MAVS: variants seen among roughly 807,000 people sequenced by gnomAD.
MAVS encodes mitochondrial antiviral-signaling protein.
MAVS carries 20 observed loss-of-function variants against 30.2 expected under a neutral mutation model. The observed-to-expected ratio is 0.66, with a 90% CI of 0.47 to 0.96. The LOEUF (loss-of-function observed/expected upper bound fraction) is 0.96, where lower values mean the gene tolerates loss of function less well. Among genes scored for constraint, MAVS ranks in the 40% least tolerant of loss-of-function variants. MAVS has a pLI of 0.00. For synonymous variants in MAVS, 278 were observed against 293.9 expected (o/e 0.95, Z 0.55); for missense variants, 624 against 701.1 (o/e 0.89, Z 1.24).
At chr20:3,862,738 G>A (rs2089876374) in intron 5 of MAVS, among the ~76,000 whole-genome samples, 1 of 152,098 alleles carries the variant, frequency 6.6e-6, no homozygotes, top group Admixed American at 6.6e-5. Context: ...GTACTCACCG[G>A]TATATACATA....
At chr20:3,861,149 T>C (rs900118788) in intron 3 of MAVS, among the ~76,000 whole-genome samples, 183 bp from the exon 4 acceptor site, 12 of 151,980 alleles carry the variant, frequency 7.9e-5, no homozygotes, top group Non-Finnish European at 1.5e-4. Context: ...CCCGCCACCA[T>C]GCCCGGCTAA....
chr20:3,850,154 G>A (rs1338136767), intron 1 of MAVS, among the ~76,000 whole-genome samples: 4 of 151,190 alleles, frequency 2.6e-5, no homozygotes, highest in African/African-American at 7.3e-5. Context: ...GCAGGCGCCT[G>A]TAGTCCCAGC....
intron 1 of MAVS, among the ~76,000 whole-genome samples, chr20:3,854,140 C>T (rs1600444718): frequency 6.6e-6 from 1 of 151,712 alleles, no homozygotes; most frequent in Non-Finnish European, 1.5e-5. Context: ...AAAACAAAAA[C>T]GGCCAGGTGT....
At position 3,872,156 on chromosome 20, in the gene MAVS, T is replaced by C. The variant is rs2089960588; in HGVS notation, c.*6009T>C. The C allele has an allele frequency of 6.6e-6, 1 of 152,318 alleles. No individual in the cohort carries two copies. The highest frequency in any genetic ancestry group is 1.5e-5 in the Non-Finnish European group (1 of 68,052). 9.4% of individuals were successfully genotyped at this position (152,318 alleles called of 1,614,324 possible). A position where few individuals can be genotyped will look rare whatever the true frequency, so the allele number is the denominator to read the frequency against. ...TAGGGACCCCACTTAAAGTGAGATT[T>C]TGGCTGGAGGTGGTGGATCATACCT... is the stretch of plus-strand genomic sequence containing the variant. On this transcript the variant is annotated 3_prime_UTR_variant, in exon 7 of 7. Coordinates refer to ENST00000428216, the MANE Select transcript of MAVS (RefSeq NM_020746.5).
intron 3 of MAVS, among the ~76,000 whole-genome samples, chr20:3,858,536 G>A (rs918924872): frequency 1.5e-4 from 22 of 151,484 alleles, no homozygotes; most frequent in Admixed American, 5.9e-4. Flanking sequence ...AAAATTAGCC[G>A]GGCATGTTGT....
At chr20:3,850,840 T>C (rs893160290) in intron 1 of MAVS, among the ~76,000 whole-genome samples, 6 of 147,458 alleles carry the variant, frequency 4.1e-5, no homozygotes, top group Admixed American at 2.1e-4. Context: ...GAGCCGAGAT[T>C]GCACCACAGC....
intron 1 of MAVS, among the ~76,000 whole-genome samples, chr20:3,854,054 T>G (rs559639792): frequency 6.8e-6 from 1 of 147,462 alleles, no homozygotes; most frequent in South Asian, 2.2e-4. Context: ...CAAATTGGCC[T>G]CCCAAAGTGC....
In MAVS at chr20:3,876,006, T is replaced by C. The variant is rs2089988702; in HGVS notation, c.*9859T>C. 1.3e-5 allele frequency: 2 copies of C among 152,350 alleles called. No individual in the cohort carries two copies. The highest frequency in any genetic ancestry group is 2.9e-5 in the Non-Finnish European group (2 of 68,028). 9.4% of individuals were successfully genotyped at this position (152,350 alleles called of 1,614,324 possible). A position where few individuals can be genotyped will look rare whatever the true frequency, so the allele number is the denominator to read the frequency against. ...ATTGGAGAAGAGATAAACTGGTAAT[T>C]GGTGAAAGAATTACTTTAATTTTTT... On this transcript the variant is annotated 3_prime_UTR_variant, in exon 7 of 7. Transcript: ENST00000428216.
At chr20:3,859,349 T>C (rs2089842802) in intron 3 of MAVS, among the ~76,000 whole-genome samples, 1 of 151,326 alleles carries the variant, frequency 6.6e-6, no homozygotes, top group Non-Finnish European at 1.5e-5. Context: ...GTACCAAAAA[T>C]ACAAAAAAAT....
In MAVS at chr20:3,873,880, C is replaced by G. The variant is rs542735491; in HGVS notation, c.*7733C>G. ...CAGTATCTACCAAAAGCCGAACATA[C>G]GTATAAACTGATCCAGCAGTTCCAC... On this transcript the variant is annotated 3_prime_UTR_variant, in exon 7 of 7. Coordinates refer to ENST00000428216, the MANE Select transcript of MAVS (RefSeq NM_020746.5). The G allele has an allele frequency of 5.3e-6, 2 of 380,200 alleles. No individual in the cohort carries two copies. The highest frequency in any genetic ancestry group is 9.2e-6 in the Non-Finnish European group (2 of 216,246). The allele number at this position is 380,200 out of a possible 1,614,324, so 23.6% of individuals were successfully genotyped here. A position where few individuals can be genotyped will look rare whatever the true frequency, so the allele number is the denominator to read the frequency against.
chr20:3,850,885 CAAAA>C (rs35643330), intron 1 of MAVS, among the ~76,000 whole-genome samples: 3 of 93,456 alleles, frequency 3.2e-5, no homozygotes, highest in Non-Finnish European at 7.1e-5. Flanking sequence ...AACTCCGTCT[CAAAA>C]AAAAAAAAAA....
intron 1 of MAVS, 65 bp from the exon 2 acceptor site, chr20:3,854,493 C>G (rs1389998790): frequency 4.0e-6 from 2 of 499,482 alleles, no homozygotes; most frequent in Admixed American, 6.5e-5. Flanking sequence ...GAAAGAATTG[C>G]CTTTTGTCCA....
chr20:3,860,127 C>G (rs1351473811), intron 3 of MAVS, among the ~76,000 whole-genome samples: 1 of 151,930 alleles, frequency 6.6e-6, no homozygotes, highest in East Asian at 2.0e-4. Context: ...CTGCTTGTCA[C>G]TCTTGAGGAG....
chr20:3,864,923 G>A (rs1828760307), intron 6 of MAVS, 135 bp downstream of exon 6: 1 of 1,088,418 alleles, frequency 9.2e-7, no homozygotes, highest in African/African-American at 1.6e-5. Flanking sequence ...TCTCCTTGAG[G>A]GCATACAGAC....
At chr20:3,846,990 T>G (rs532162940) in intron 1 of MAVS, 87 bp downstream of exon 1, 1 of 152,190 alleles carries the variant, frequency 6.6e-6, no homozygotes, top group Non-Finnish European at 1.5e-5. Context: ...CAGGACGGAG[T>G]CCGCCGGGAC....
rs574178741 is a variant in MAVS, at chr20:3,871,034, C to G, written c.*4887C>G. 2 of 152,786 alleles carry G rather than the reference C, an allele frequency of 1.3e-5. No homozygotes were observed. The highest frequency in any genetic ancestry group is 6.5e-5 in the Admixed American group (1 of 15,280). The allele number at this position is 152,786 out of a possible 1,614,324, so 9.5% of individuals were successfully genotyped here. A position where few individuals can be genotyped will look rare whatever the true frequency, so the allele number is the denominator to read the frequency against. The stretch of plus-strand genomic sequence containing the variant: ...TAGCTGGGATTACAGATGCCCGCCA[C>G]CACACCTGGCTAATTTTCGTATTTT... On this transcript the variant is annotated 3_prime_UTR_variant, in exon 7 of 7. Transcript: ENST00000428216.
chr20:3,865,979 A>T lies in MAVS; in HGVS notation c.1455A>T (p.Pro485=). The T allele has an allele frequency of 6.2e-7, 1 of 1,613,216 alleles. No homozygotes were observed. Among genetic ancestry groups the T allele is most frequent in the South Asian group, 1.1e-5 (1 of 91,078 alleles). Residue 485 remains proline (P), a synonymous_variant, in exon 7 of 7, where the codon CCA becomes CCT. Transcript: ENST00000428216. This position sits in a 1 kb window ranked among gnomAD's most constrained non-coding sequence, Gnocchi z 4.7. ...SIQLLEGNPG[P]PADPDGGPRP... is the part of the protein sequence containing the mutation. ...AGCTCCTGGAGGGCAACCCTGGGCCACCTGCGGACCCGGATGGCGGCCCCA... is the reference window on the plus strand; with the variant it reads ...AGCTCCTGGAGGGCAACCCTGGGCCTCCTGCGGACCCGGATGGCGGCCCCA...
intron 3 of MAVS, among the ~76,000 whole-genome samples, chr20:3,859,527 A>C (rs763407936): frequency 1.3e-5 from 2 of 151,280 alleles, no homozygotes; most frequent in Non-Finnish European, 3.0e-5. Context: ...AAAACCCAAA[A>C]ATAGTGATCC....
Position 3,868,603 on chromosome 20 carries a change from C to G in MAVS, c.*2456C>G, listed in dbSNP as rs1376672696. 1.3e-5 allele frequency: 2 copies of G among 151,086 alleles called. No individual in the cohort carries two copies. The highest frequency in any genetic ancestry group is 6.6e-5 in the Admixed American group (1 of 15,106). 9.4% of individuals were successfully genotyped at this position (151,086 alleles called of 1,614,324 possible). A position where few individuals can be genotyped will look rare whatever the true frequency, so the allele number is the denominator to read the frequency against. On this transcript the variant is annotated 3_prime_UTR_variant, in exon 7 of 7. Coordinates refer to ENST00000428216, the MANE Select transcript of MAVS (RefSeq NM_020746.5). ...GAGCCGAGATTGTGCCACTGCGCTC[C>G]AGCCTGGGCGACAGAGTGGTATTCT...
Sources: allele counts gnomAD v4.1 joint callset (sites outside exome capture counted in the v4.1 genomes callset), GRCh38; gene constraint gnomAD v4.1.1; non-coding constraint Gnocchi (gnomAD v3.1); transcripts MANE v1.5; gene names NCBI Gene and HGNC (gene_info 2026-07-23, HGNC 2026-07-21).